ARHGAP24: variants seen among roughly 807,000 people sequenced by gnomAD.
ARHGAP24 encodes the protein rho GTPase-activating protein 24.
ARHGAP24 carries 50 observed loss-of-function variants against 76.4 expected under a neutral mutation model. The ratio of observed to expected loss-of-function variants is 0.65; its 90% CI spans 0.52 to 0.83. ARHGAP24 has a LOEUF of 0.83. Among genes scored for constraint, ARHGAP24 ranks in the 40% least tolerant of loss-of-function variants. The pLI is 0.00. For synonymous variants in ARHGAP24, 345 were observed against 323.3 expected, an observed-to-expected ratio of 1.07 and a Z score of -0.72; for missense variants, 930 against 914.2, an observed-to-expected ratio of 1.02 and a Z score of -0.22.
In ARHGAP24 at chr4:85,994,768, A is replaced by G. The variant is rs1740546196; in HGVS notation, c.1114A>G (p.Arg372Gly). Residue 372 changes from arginine to glycine, a missense_variant, in exon 9 of 10, where the codon AGG (arginine) becomes GGG (glycine). By Grantham distance (125) the Arg-to-Gly change is moderately radical (BLOSUM62 -2). Coordinates refer to ENST00000395184, the MANE Select transcript of ARHGAP24 (RefSeq NM_001025616.3). ...ENNNTKDSPS[R>G]QCSWDKSESP... ...CAATAACACCAAGGACAGCCCTAGT[A>G]GGCAGTGCTCCTGGGACAAGTCTGA... The G allele has an allele frequency of 6.2e-7, 1 of 1,614,166 alleles. No individual in the cohort carries two copies. Among genetic ancestry groups the G allele is most frequent in the East Asian group, 2.2e-5 (1 of 44,862 alleles).
intron 3 of ARHGAP24, among the ~76,000 whole-genome samples, chr4:85,814,253 C>T (rs1729141165): frequency 6.6e-6 from 1 of 152,116 alleles, no homozygotes; most frequent in Admixed American, 6.5e-5. Context: ...ATCTCATGTC[C>T]TCATATTTCA....
intron 8 of ARHGAP24, among the ~76,000 whole-genome samples, chr4:85,979,064 T>C (rs949681177): frequency 6.6e-6 from 1 of 152,326 alleles, no homozygotes; most frequent in East Asian, 1.9e-4. Context: ...GATCCACGGA[T>C]TTGTTGATTC....
chr4:85,697,662 A>C (rs114555744), intron 2 of ARHGAP24, among the ~76,000 whole-genome samples: 86 of 152,340 alleles, frequency 5.6e-4, no homozygotes, highest in African/African-American at 1.9e-3. Flanking sequence ...AATGGAAGTC[A>C]ATTGGGCTGT....
At chr4:85,733,427 ACT>A (rs1452448948) in intron 3 of ARHGAP24, among the ~76,000 whole-genome samples, 1 of 151,596 alleles carries the variant, frequency 6.6e-6, no homozygotes, top group Non-Finnish European at 1.5e-5. Context: ...TGGTTTAAGG[ACT>A]CTCTGGTCCC....
Position 85,977,585 on chromosome 4 carries a change from A to G in ARHGAP24, c.822A>G (p.Val274=). 1 of 1,613,776 alleles carries G rather than the reference A, an allele frequency of 6.2e-7. No individual in the cohort carries two copies. Among genetic ancestry groups the G allele is most frequent in the Non-Finnish European group, 8.5e-7 (1 of 1,179,772 alleles). Residue 274 remains valine, a synonymous_variant, in exon 8 of 10, where the codon GTA becomes GTG. Coordinates refer to ENST00000395184, the MANE Select transcript of ARHGAP24 (RefSeq NM_001025616.3). ...TACTCCATAGATTCTTGGATGAAGT[A>G]CAGTCCTACTCGGGAGTTAACAAAA... ...LKYICRFLDE[V]QSYSGVNKMS...
At chr4:85,690,500 G>T (rs1443521809) in intron 2 of ARHGAP24, among the ~76,000 whole-genome samples, 1 of 152,050 alleles carries the variant, frequency 6.6e-6, no homozygotes, top group African/African-American at 2.4e-5. Context: ...ACTTGATATT[G>T]GTCTATTTGG....
intron 2 of ARHGAP24, among the ~76,000 whole-genome samples, chr4:85,624,019 C>T (rs1448175772): frequency 3.9e-5 from 6 of 152,164 alleles, no homozygotes; most frequent in African/African-American, 1.2e-4. Flanking sequence ...GATATACAAT[C>T]ATATCATCTG....
chr4:85,760,169 C>G (rs1042981949), intron 3 of ARHGAP24, among the ~76,000 whole-genome samples: 2 of 151,866 alleles, frequency 1.3e-5, no homozygotes, highest in Admixed American at 6.6e-5. Context: ...GATTTTAATC[C>G]CAAGTAATAA....
chr4:85,617,427 C>G (rs55962316), intron 2 of ARHGAP24, among the ~76,000 whole-genome samples: 13 of 151,872 alleles, frequency 8.6e-5, no homozygotes, highest in Admixed American at 8.5e-4. Context: ...TCAGTGCACA[C>G]GCAATCATGC....
chr4:85,876,584 G>A (rs969989397), intron 3 of ARHGAP24, among the ~76,000 whole-genome samples: 1 of 152,086 alleles, frequency 6.6e-6, no homozygotes, highest in Non-Finnish European at 1.5e-5. Flanking sequence ...TCTGACATAT[G>A]CACTAAGTTT....
intron 3 of ARHGAP24, among the ~76,000 whole-genome samples, chr4:85,842,069 A>C (rs781461979): frequency 4.6e-5 from 7 of 152,164 alleles, no homozygotes; most frequent in Non-Finnish European, 1.0e-4. Flanking sequence ...TACTATATGT[A>C]CTGTACTTGA....
At chr4:85,882,920 T>G (rs923611454) in intron 3 of ARHGAP24, among the ~76,000 whole-genome samples, 1 of 152,152 alleles carries the variant, frequency 6.6e-6, no homozygotes, top group African/African-American at 2.4e-5. Context: ...TTGGCACTGC[T>G]TAGTTCTCAA....
At chr4:85,599,660 G>T (rs1187604008) in intron 2 of ARHGAP24, among the ~76,000 whole-genome samples, 1 of 151,776 alleles carries the variant, frequency 6.6e-6, no homozygotes, top group Non-Finnish European at 1.5e-5. Flanking sequence ...CACATGAATT[G>T]CTATTAAATT....
intron 2 of ARHGAP24, among the ~76,000 whole-genome samples, chr4:85,678,602 A>G (rs185896635): frequency 2.1e-4 from 32 of 152,302 alleles, no homozygotes; most frequent in Admixed American, 1.8e-3. Flanking sequence ...GATTGTTCAG[A>G]CTGTAATTCT....
intron 2 of ARHGAP24, chr4:85,571,025 G>T (rs974535334): frequency 7.3e-6 from 2 of 273,730 alleles, no homozygotes; most frequent in Non-Finnish European, 1.4e-5. Context: ...TCTGCTAAAA[G>T]ATATATCATA....
rs17010481 is a variant in ARHGAP24 at position 85,573,984 on chromosome 4, G to A, written c.180+3263G>A. On this transcript the variant is annotated intron_variant, in intron 2 of 9. Transcript: ENST00000395184. The stretch of plus-strand genomic sequence containing the variant: ...CCATGGTCTTCATATATTTTGATGC[G>A]GTCTATTTCAATAATATGGAGAAAA... 7.7e-3 allele frequency among the ~76,000 whole-genome samples: 1,170 copies of A among 152,066 alleles called. 10 individuals are homozygous for A. The highest frequency in any genetic ancestry group is 0.025 in the African/African-American group (1,052 of 41,466).
chr4:85,600,981 T>G (rs573652782), intron 2 of ARHGAP24, among the ~76,000 whole-genome samples: 4 of 152,342 alleles, frequency 2.6e-5, no homozygotes, highest in East Asian at 1.9e-4. Context: ...ATGAATATGA[T>G]CTTAGAGTGA....
chr4:85,761,735 T>C (rs1052441200), intron 3 of ARHGAP24, among the ~76,000 whole-genome samples: 2 of 152,184 alleles, frequency 1.3e-5, no homozygotes, highest in African/African-American at 4.8e-5. Context: ...TGAGATGTAA[T>C]GAAGGTGAAT....
chr4:85,938,027 C>T (rs760014225), intron 4 of ARHGAP24, among the ~76,000 whole-genome samples: 98 of 152,152 alleles, frequency 6.4e-4, no homozygotes, highest in Admixed American at 1.6e-3. Context: ...CAGCCTCTAG[C>T]TATTGGCTCT....
Sources: gnomAD v4.1 joint callset for allele counts (sites outside exome capture counted in the v4.1 genomes callset) on GRCh38, gnomAD v4.1.1 for gene constraint, MANE v1.5 for transcripts, NCBI Gene and HGNC (gene_info 2026-07-23, HGNC 2026-07-21) for gene names.